Variants in PLSCR2 observed in about 807,000 individuals in gnomAD.
The protein encoded by PLSCR2 is phospholipid scramblase 2, also known as PL scramblase 2.
PLSCR2 carries 18 observed loss-of-function variants against 25.3 expected under a neutral mutation model. The observed-to-expected ratio is 0.71, with a 90% CI of 0.49 to 1.06. PLSCR2 has a LOEUF of 1.06. Among genes scored for constraint, PLSCR2 ranks in the 50% least tolerant of loss-of-function variants. PLSCR2 has a pLI of 0.00. For missense variants in PLSCR2, 243 were observed against 269.5 expected (o/e 0.90, Z 0.69); for synonymous variants, 88 against 87.3 (o/e 1.01, Z -0.04).
At chr3:146,421,976 C>G (rs1485578558) in intron 2 of PLSCR2, among the ~76,000 whole-genome samples, 1 of 152,102 alleles carries the variant, frequency 6.6e-6, no homozygotes, top group Non-Finnish European at 1.5e-5. Context: ...CTGGCCCCAG[C>G]AGGCAGTTGA....
intron 8 of PLSCR2, among the ~76,000 whole-genome samples, chr3:146,433,780 T>C (rs2039652017): frequency 6.6e-6 from 1 of 152,180 alleles, no homozygotes; most frequent in South Asian, 2.1e-4. Context: ...TTTAGGCTGC[T>C]GGGAGGTCAT....
At chr3:146,429,245 A>AGGGC (rs943501496), downstream of PLSCR2, among the ~76,000 whole-genome samples, 1 of 152,184 alleles carries the variant, frequency 6.6e-6, no homozygotes, top group Non-Finnish European at 1.5e-5. Flanking sequence ...GGAAAAGGAG[A>AGGGC]GGGCAAGAGT....
chr3:146,436,348 T>C lies in PLSCR2; in HGVS notation c.*35-2831A>G, dbSNP rs189012472. 5.8e-3 allele frequency among the ~76,000 whole-genome samples: 879 copies of C among 152,332 alleles called. 3 individuals are homozygous for C. The highest frequency in any genetic ancestry group is 9.5e-3 in the Non-Finnish European group (643 of 68,028). Reference sequence around the variant, plus strand: ...AGCTTGATGGGGATGGCATTGAATCTATAAATTACCTTGGGCAGGATGGCC... The same window carrying C: ...AGCTTGATGGGGATGGCATTGAATCCATAAATTACCTTGGGCAGGATGGCC... On this transcript the variant is annotated intron_variant, in intron 8 of 8. Coordinates refer to the PLSCR2 transcript ENST00000336685.
intron 1 of PLSCR2, 190 bp downstream of exon 1, chr3:146,469,305 C>T: frequency 1.0e-6 from 1 of 985,590 alleles, no homozygotes. Context: ...CTGGTGTGAG[C>T]CAGGGTACAG....
chr3:146,436,707 A>T (rs1191796305), intron 8 of PLSCR2, among the ~76,000 whole-genome samples: 1 of 151,392 alleles, frequency 6.6e-6, no homozygotes, highest in Admixed American at 6.6e-5. Flanking sequence ...AGATACAATC[A>T]TGTCAATTGC....
chr3:146,458,889 T>C (rs2041383293), intron 2 of PLSCR2, among the ~76,000 whole-genome samples: 1 of 152,090 alleles, frequency 6.6e-6, no homozygotes, highest in African/African-American at 2.4e-5. Flanking sequence ...AAAAAAACTG[T>C]AGGGCATTTC....
intron 2 of PLSCR2, among the ~76,000 whole-genome samples, chr3:146,405,562 A>C (rs1004644801): frequency 6.6e-6 from 1 of 152,202 alleles, no homozygotes; most frequent in African/African-American, 2.4e-5. Context: ...TAGGCATTAC[A>C]TTCCCCACTG....
At chr3:146,399,672 CCTTT>C (rs986588329) in intron 2 of PLSCR2, among the ~76,000 whole-genome samples, 29 of 151,326 alleles carry the variant, frequency 1.9e-4, no homozygotes, top group African/African-American at 6.3e-4. Context: ...AGAATTCTGG[CCTTT>C]CTTTCCTTCC....
upstream of PLSCR2, chr3:146,461,966 A>C: frequency 7.4e-7 from 1 of 1,349,440 alleles, no homozygotes; most frequent in Non-Finnish European, 9.9e-7. Context: ...GCTAAAAAAA[A>C]AAATGACAAA....
chr3:146,473,303 C>CTT (rs35755415), intron 1 of PLSCR2, among the ~76,000 whole-genome samples: 45,466 of 121,112 alleles, frequency 0.38, 9,786 homozygotes, highest in East Asian at 0.59. Flanking sequence ...AAAGTACTAT[C>CTT]TTTTTTTTTT....
chr3:146,436,943 C>G (rs1483666702), downstream of PLSCR2, among the ~76,000 whole-genome samples: 1 of 152,064 alleles, frequency 6.6e-6, no homozygotes, highest in Non-Finnish European at 1.5e-5. Context: ...TTTTGAGATA[C>G]ATCCCATCAA....
At chr3:146,471,544 G>A (rs2042118985) in intron 1 of PLSCR2, among the ~76,000 whole-genome samples, 3 of 149,312 alleles carry the variant, frequency 2.0e-5, no homozygotes, top group Admixed American at 1.3e-4. Context: ...TATATTGTGG[G>A]TATGTTAAAT....
intron 1 of PLSCR2, among the ~76,000 whole-genome samples, chr3:146,491,270 C>G (rs1183113534): frequency 1.3e-5 from 2 of 151,604 alleles, no homozygotes; most frequent in Non-Finnish European, 2.9e-5. Context: ...TCTCTAGTTG[C>G]CTTTAAGATT....
At chr3:146,469,761 T>C (rs1002713450) in intron 1 of PLSCR2, among the ~76,000 whole-genome samples, 200 bp from the exon 1 acceptor site, 3 of 147,636 alleles carry the variant, frequency 2.0e-5, no homozygotes, top group Non-Finnish European at 3.0e-5. Context: ...GCGGCCGAGC[T>C]GGGGGCGCGA....
intron 6 of PLSCR2, among the ~76,000 whole-genome samples, chr3:146,444,307 GT>G (rs1458929513): frequency 1.3e-5 from 2 of 151,836 alleles, no homozygotes; most frequent in Admixed American, 6.6e-5. Context: ...TCAATTTGAT[GT>G]TTTTTTGTTG....
intron 3 of PLSCR2, among the ~76,000 whole-genome samples, chr3:146,392,309 AT>A (rs1360405242): frequency 1.3e-5 from 2 of 152,156 alleles, no homozygotes; most frequent in Non-Finnish European, 2.9e-5. Flanking sequence ...CCTATAGCTC[AT>A]GAGCACTTGA....
intron 1 of PLSCR2, among the ~76,000 whole-genome samples, chr3:146,484,706 G>A (rs116006925): frequency 0.032 from 4,883 of 152,100 alleles, 231 homozygotes; most frequent in African/African-American, 0.1. Context: ...CATAAACAAA[G>A]GAGAAATAAA....
At chr3:146,422,136 C>A (rs1016671924) in intron 2 of PLSCR2, among the ~76,000 whole-genome samples, 1 of 152,060 alleles carries the variant, frequency 6.6e-6, no homozygotes, top group Non-Finnish European at 1.5e-5. Context: ...CTGGCTGGCA[C>A]CTCCATGAGG....
chr3:146,429,032 C>G (rs2039454144), downstream of PLSCR2, among the ~76,000 whole-genome samples: 1 of 152,188 alleles, frequency 6.6e-6, no homozygotes, highest in African/African-American at 2.4e-5. Flanking sequence ...AATCTTCACA[C>G]TGACCTTATG....
Sources: gnomAD v4.1 joint callset for allele counts (sites outside exome capture counted in the v4.1 genomes callset) on GRCh38, gnomAD v4.1.1 for gene constraint, MANE v1.5 for transcripts, NCBI Gene and HGNC (gene_info 2026-07-23, HGNC 2026-07-21) for gene names.